Variants in CHRM3 observed in about 807,000 individuals in gnomAD.
CHRM3 encodes muscarinic acetylcholine receptor M3.
Under a neutral mutation model 41.8 loss-of-function variants are expected in CHRM3, and 11 were observed. The observed-to-expected ratio is 0.26, with a 90% confidence interval of 0.17 to 0.44. The LOEUF (loss-of-function observed/expected upper bound fraction) is 0.44, where lower values mean the gene tolerates loss of function less well. Ranked by LOEUF, CHRM3 falls within the 20% of genes least tolerant of loss-of-function variation. The pLI, the probability that CHRM3 is intolerant of heterozygous loss-of-function variation, is 1.00. For missense variants in CHRM3, 571 were observed against 745.4 expected, an observed-to-expected ratio of 0.77 and a Z score of 2.72; for synonymous variants, 297 against 301.4, an observed-to-expected ratio of 0.99 and a Z score of 0.15.
chr1:239,756,212 C>G (rs1666230473), intron 5 of CHRM3, among the ~76,000 whole-genome samples: 1 of 152,152 alleles, frequency 6.6e-6, no homozygotes, highest in Non-Finnish European at 1.5e-5. Context: ...CATAATGACT[C>G]AATCTCACTA....
intron 6 of CHRM3, among the ~76,000 whole-genome samples, chr1:239,861,332 GTT>G (rs1675622121): frequency 6.6e-6 from 1 of 152,084 alleles, no homozygotes; most frequent in Non-Finnish European, 1.5e-5. Flanking sequence ...ATCAGGAAAG[GTT>G]TTTCTAAGAA....
In CHRM3 at chr1:239,907,006, T is replaced by C. The variant is rs1157820628; in HGVS notation, c.-19-427T>C. On this transcript the variant is annotated intron_variant, in intron 6 of 6. Transcript: ENST00000676153. This position sits in a 1 kb window ranked among gnomAD's most constrained non-coding sequence, Gnocchi z 5.4. ...AGTTGCGTATTTCTGAAGCCTCAGA[T>C]GGGTAAATGCCCAGATAGATAAAAT... Among the ~76,000 whole-genome samples the C allele has an allele frequency of 6.6e-6, 1 of 152,238 alleles. No homozygotes were observed. Among genetic ancestry groups the C allele is most frequent in the Non-Finnish European group, 1.5e-5 (1 of 68,050 alleles).
intron 5 of CHRM3, among the ~76,000 whole-genome samples, chr1:239,697,185 TGTGGGAGGGACCTG>T (rs1009024219): frequency 9.8e-5 from 15 of 152,306 alleles, no homozygotes; most frequent in Middle Eastern, 3.4e-3. Flanking sequence ...TCCCACGTGT[TGTGGGAGGGACCTG>T]GTGGGAGGTA....
chr1:239,753,501 C>T (rs1354881607), intron 5 of CHRM3, among the ~76,000 whole-genome samples: 3 of 152,044 alleles, frequency 2.0e-5, no homozygotes, highest in East Asian at 1.9e-4. Context: ...AAGGGGGAAT[C>T]GCCACACACT....
chr1:239,410,359 C>T (rs1375425915), intron 1 of CHRM3, among the ~76,000 whole-genome samples: 2 of 152,172 alleles, frequency 1.3e-5, no homozygotes, highest in Non-Finnish European at 2.9e-5. Flanking sequence ...TAATACCATA[C>T]ATATACTTTA....
Position 239,795,002 on chromosome 1 carries a change from A to G in CHRM3, c.-146-32250A>G, listed in dbSNP as rs141400964. ...ATCCACACGTGAGAATAGATCATTA[A>G]TCCATTAATTAGCTCACACTGGTGA... On this transcript the variant is annotated intron_variant, in intron 5 of 6. Coordinates refer to ENST00000676153, the MANE Select transcript of CHRM3 (RefSeq NM_001375978.1). Among the ~76,000 whole-genome samples the G allele has an allele frequency of 1.8e-4, 27 of 152,342 alleles. 1 individual carries two copies. Among genetic ancestry groups the G allele is most frequent in the African/African-American group, 6.0e-4 (25 of 41,588 alleles).
At chr1:239,512,873 G>T (rs1356754406) in intron 2 of CHRM3, among the ~76,000 whole-genome samples, 1 of 152,044 alleles carries the variant, frequency 6.6e-6, no homozygotes, top group Admixed American at 6.5e-5. Context: ...GATGGCCCAG[G>T]TTATCTGTGG....
At chr1:239,550,514 C>T (rs943510903) in intron 3 of CHRM3, among the ~76,000 whole-genome samples, 1 of 152,064 alleles carries the variant, frequency 6.6e-6, no homozygotes, top group Non-Finnish European at 1.5e-5. Flanking sequence ...TTAGATTGCA[C>T]AATAAATAAT....
intron 3 of CHRM3, among the ~76,000 whole-genome samples, chr1:239,560,406 C>T (rs1660743401): frequency 6.6e-6 from 1 of 151,878 alleles, no homozygotes; most frequent in African/African-American, 2.4e-5. Context: ...ATAATCTCAC[C>T]ACTGAAAAAC....
intron 2 of CHRM3, among the ~76,000 whole-genome samples, chr1:239,519,873 T>G (rs779256718): frequency 2.0e-5 from 3 of 146,628 alleles, no homozygotes; most frequent in South Asian, 4.6e-4. Context: ...TCAGCCTCCC[T>G]AGTAGCTGGG....
chr1:239,418,864 G>T (rs1207070192), intron 1 of CHRM3, among the ~76,000 whole-genome samples: 1 of 152,162 alleles, frequency 6.6e-6, no homozygotes, highest in East Asian at 1.9e-4. Context: ...CACTAATGCA[G>T]CAGCAGATGG....
intron 1 of CHRM3, among the ~76,000 whole-genome samples, chr1:239,413,311 A>G (rs372109050): frequency 6.6e-6 from 1 of 151,758 alleles, no homozygotes; most frequent in East Asian, 1.9e-4. Context: ...ATTTATTGAG[A>G]CCGAGTCTCA....
At chr1:239,512,986 G>A (rs1487326251) in intron 2 of CHRM3, among the ~76,000 whole-genome samples, 1 of 152,108 alleles carries the variant, frequency 6.6e-6, no homozygotes, top group African/African-American at 2.4e-5. Flanking sequence ...AGAGATATAT[G>A]TTCTCATGCA....
At chr1:239,849,502 A>G (rs1488250736) in intron 6 of CHRM3, among the ~76,000 whole-genome samples, 2 of 152,262 alleles carry the variant, frequency 1.3e-5, no homozygotes, top group Non-Finnish European at 2.9e-5. Context: ...AGACAATAAC[A>G]TTCAGATGAT....
chr1:239,695,685 C>T (rs1214018211), intron 5 of CHRM3, among the ~76,000 whole-genome samples: 1 of 151,690 alleles, frequency 6.6e-6, no homozygotes, highest in Admixed American at 6.6e-5. Flanking sequence ...TGATTTTTCC[C>T]TCAGAGTACT....
intron 1 of CHRM3, among the ~76,000 whole-genome samples, chr1:239,480,772 A>G (rs1033768002): frequency 1.3e-4 from 20 of 151,920 alleles, no homozygotes; most frequent in African/African-American, 4.6e-4. Flanking sequence ...GTTAGCCAGG[A>G]TGGTCTCGAT....
intron 3 of CHRM3, among the ~76,000 whole-genome samples, chr1:239,579,759 C>G (rs1662694865): frequency 6.6e-6 from 1 of 152,150 alleles, no homozygotes; most frequent in Admixed American, 6.5e-5. Flanking sequence ...ACATAGTACT[C>G]ACTGTATGGC....
chr1:239,408,254 G>C (rs1211173231), intron 1 of CHRM3: 1 of 152,106 alleles, frequency 6.6e-6, no homozygotes, highest in Non-Finnish European at 1.5e-5. Flanking sequence ...ATAATTGTAA[G>C]TTTCCTGAGG....
chr1:239,608,145 A>C (rs1029200311), intron 3 of CHRM3, among the ~76,000 whole-genome samples: 7 of 152,342 alleles, frequency 4.6e-5, no homozygotes, highest in South Asian at 2.1e-4. Flanking sequence ...CACTATATCC[A>C]ATGTTAAATA....
Sources: gnomAD v4.1 joint callset for allele counts (sites outside exome capture counted in the v4.1 genomes callset) on GRCh38, gnomAD v4.1.1 for gene constraint, Gnocchi (gnomAD v3.1) non-coding constraint, MANE v1.5 for transcripts, NCBI Gene and HGNC (gene_info 2026-07-23, HGNC 2026-07-21) for gene names.